Variants in CADPS2 observed in about 807,000 individuals in gnomAD.
CADPS2 encodes calcium dependent secretion activator 2, also known as calcium-dependent secretion activator 2.
Under a neutral mutation model 172.5 loss-of-function variants are expected in CADPS2, and 93 were observed. That is an observed-to-expected ratio of 0.54 (90% CI 0.46 to 0.64). CADPS2 has a LOEUF of 0.64. CADPS2 is among the 30% of genes least tolerant of loss of function. The probability of loss-of-function intolerance (pLI) is 0.00; values close to 1 mark genes in which losing one functional copy is unlikely to be tolerated. For missense variants in CADPS2, 1,420 were observed against 1,565.9 expected (o/e 0.91, Z 1.57); for synonymous variants, 546 against 555.2 (o/e 0.98, Z 0.23).
intron 1 of CADPS2, among the ~76,000 whole-genome samples, chr7:122,812,888 G>A (rs914813254): frequency 6.6e-6 from 1 of 152,130 alleles, no homozygotes; most frequent in Non-Finnish European, 1.5e-5. Context: ...TTACTCTACA[G>A]AACCAACATT....
At chr7:122,794,064 T>G (rs905195834) in intron 1 of CADPS2, among the ~76,000 whole-genome samples, 3 of 152,136 alleles carry the variant, frequency 2.0e-5, no homozygotes, top group African/African-American at 7.2e-5. Flanking sequence ...CATTTTTTCT[T>G]TCATTTCAGC....
chr7:122,473,971 G>C (rs903126001), intron 13 of CADPS2, among the ~76,000 whole-genome samples: 2 of 152,070 alleles, frequency 1.3e-5, no homozygotes, highest in African/African-American at 4.8e-5. Flanking sequence ...GTCCTTCTAA[G>C]AACAAAAGAG....
At chr7:122,346,210 T>TA (rs934533786) in intron 27 of CADPS2, among the ~76,000 whole-genome samples, 22 of 150,330 alleles carry the variant, frequency 1.5e-4, no homozygotes, top group African/African-American at 2.2e-4. Context: ...CTACAAAAAA[T>TA]AAAAAAAAAT....
rs1285260379 is a variant in CADPS2 at position 122,362,512 on chromosome 7, C to T, written c.3388-1499G>A. Among the ~76,000 whole-genome samples the T allele has an allele frequency of 2.6e-5, 4 of 152,108 alleles. No homozygotes were observed. The East Asian group carries it at 7.7e-4, about 29-fold the overall frequency. On this transcript the variant is annotated intron_variant, in intron 25 of 29. Transcript: ENST00000449022. ...TTTCTATGAAATAAAAAAACACATA[C>T]ACTATAATACAGTAAAAATGTGAAG...
At chr7:122,833,958 C>G (rs1807439070) in intron 1 of CADPS2, among the ~76,000 whole-genome samples, 1 of 152,134 alleles carries the variant, frequency 6.6e-6, no homozygotes, top group Non-Finnish European at 1.5e-5. Context: ...TTGGGGTGCC[C>G]TGGAAAGGTT....
At chr7:122,722,414 C>T (rs1292798367) in intron 2 of CADPS2, among the ~76,000 whole-genome samples, 3 of 151,120 alleles carry the variant, frequency 2.0e-5, no homozygotes, top group East Asian at 3.9e-4. Context: ...AAACAGAGAG[C>T]CAAATCATGA....
intron 25 of CADPS2, among the ~76,000 whole-genome samples, chr7:122,371,431 G>A (rs933861300): frequency 2.0e-5 from 3 of 152,110 alleles, no homozygotes; most frequent in Admixed American, 6.5e-5. Context: ...TGCAAGCAGG[G>A]GAAATGCCAG....
chr7:122,391,667 G>A (rs927663286), intron 22 of CADPS2, among the ~76,000 whole-genome samples: 3 of 152,090 alleles, frequency 2.0e-5, no homozygotes, highest in African/African-American at 7.2e-5. Context: ...ATCCTAGTGA[G>A]TATTATGAAT....
rs545462288 is a variant in CADPS2, at chr7:122,745,111, T to C, written c.340-8043A>G. On this transcript the variant is annotated intron_variant, in intron 1 of 29. Transcript: ENST00000449022. The stretch of plus-strand genomic sequence containing the variant: ...ATTAACACACCCATCATCTTACAGT[T>C]ACCTTTTGTGTCTGTGTGTGTGTGT... Among the ~76,000 whole-genome samples, 70 of 152,178 alleles carry C rather than the reference T, an allele frequency of 4.6e-4. 1 individual carries two copies. Among genetic ancestry groups the C allele is most frequent in the African/African-American group, 1.5e-3 (64 of 41,528 alleles).
At chr7:122,735,670 T>C (rs1158462885) in intron 2 of CADPS2, among the ~76,000 whole-genome samples, 3 of 152,176 alleles carry the variant, frequency 2.0e-5, no homozygotes, top group African/African-American at 7.2e-5. Flanking sequence ...CAATTTCAGT[T>C]TCCCTAACCT....
At chr7:122,344,274 A>T (rs2037229418) in intron 28 of CADPS2, among the ~76,000 whole-genome samples, 1 of 152,252 alleles carries the variant, frequency 6.6e-6, no homozygotes, top group African/African-American at 2.4e-5. Flanking sequence ...GATGTACATA[A>T]ATAAATAAGC....
intron 1 of CADPS2, among the ~76,000 whole-genome samples, chr7:122,740,317 G>A (rs1232167315): frequency 6.6e-6 from 1 of 152,138 alleles, no homozygotes; most frequent in Non-Finnish European, 1.5e-5. Context: ...GCAAAATTCA[G>A]TAGATGAATG....
chr7:122,410,516 A>C (rs1170726696), intron 19 of CADPS2, among the ~76,000 whole-genome samples: 2 of 151,208 alleles, frequency 1.3e-5, no homozygotes, highest in Non-Finnish European at 2.9e-5. Flanking sequence ...ACCTAGAAGC[A>C]GAGTACTGAG....
intron 2 of CADPS2, among the ~76,000 whole-genome samples, chr7:122,668,668 TGAGA>T (rs763181007): frequency 6.6e-6 from 1 of 152,054 alleles, no homozygotes; most frequent in Non-Finnish European, 1.5e-5. Flanking sequence ...CATCTCATCA[TGAGA>T]GAGAGACAGA....
chr7:122,425,056 T>C (rs2048979216), intron 17 of CADPS2, among the ~76,000 whole-genome samples: 1 of 152,208 alleles, frequency 6.6e-6, no homozygotes, highest in Admixed American at 6.5e-5. Flanking sequence ...CATGTCTCAC[T>C]GCAGCCTCGA....
At chr7:122,575,968 A>G (rs1008039230) in intron 7 of CADPS2, among the ~76,000 whole-genome samples, 2 of 152,164 alleles carry the variant, frequency 1.3e-5, no homozygotes, top group African/African-American at 4.8e-5. Context: ...AGAAACTTAC[A>G]TTGGCACATT....
chr7:122,552,699 G>T (rs1587186191), intron 8 of CADPS2, among the ~76,000 whole-genome samples: 1 of 151,624 alleles, frequency 6.6e-6, no homozygotes, highest in African/African-American at 2.4e-5. Flanking sequence ...ACAAGCTGAA[G>T]GTCCAGGAGT....
At chr7:122,821,579 G>GCCAC (rs757543287) in intron 1 of CADPS2, among the ~76,000 whole-genome samples, 1 of 152,176 alleles carries the variant, frequency 6.6e-6, no homozygotes, top group Non-Finnish European at 1.5e-5. Flanking sequence ...GTCTGAGATG[G>GCCAC]CCACCGCAGT....
intron 3 of CADPS2, among the ~76,000 whole-genome samples, chr7:122,656,376 G>A (rs1458967858): frequency 6.6e-6 from 1 of 152,100 alleles, no homozygotes; most frequent in African/African-American, 2.4e-5. Context: ...CCAGGTGGAA[G>A]AAGAGAATAC....
Sources: gnomAD v4.1 joint callset for allele counts (sites outside exome capture counted in the v4.1 genomes callset) on GRCh38, gnomAD v4.1.1 for gene constraint, MANE v1.5 for transcripts, NCBI Gene and HGNC (gene_info 2026-07-23, HGNC 2026-07-21) for gene names.